Variants in SCN1A observed in about 807,000 individuals in gnomAD.
SCN1A encodes the protein sodium channel protein type 1 subunit alpha.
SCN1A carries 13 observed loss-of-function variants against 193.7 expected under a neutral mutation model. That is an observed-to-expected ratio of 0.07 (90% CI 0.04 to 0.11). SCN1A has a LOEUF of 0.11. Ranked by LOEUF, SCN1A falls within the 10% of genes least tolerant of loss-of-function variation. The pLI is 1.00. For missense variants in SCN1A, 1,432 were observed against 2,451.1 expected (o/e 0.58, Z 8.78); for synonymous variants, 781 against 843.6 (o/e 0.93, Z 1.29).
Position 166,148,818 on chromosome 2 carries a change from T to C in SCN1A, c.-50+229A>G, listed in dbSNP as rs116893540. Among the ~76,000 whole-genome samples the C allele has an allele frequency of 6.0e-4, 91 of 152,308 alleles. No homozygotes were observed. The East Asian group carries it at 0.017, about 29-fold the overall frequency. ...TCAGAGTTTAAATATCAAATCAACA[T>C]TCATTCCTTGATGGTTACAGATGAT... On this transcript the variant is annotated intron_variant, in intron 1 of 26. Transcript: ENST00000635750.
At chr2:166,131,880 C>A (rs1466301552), upstream of SCN1A, among the ~76,000 whole-genome samples, 1 of 152,120 alleles carries the variant, frequency 6.6e-6, no homozygotes, top group Non-Finnish European at 1.5e-5. Flanking sequence ...CCAAAAATTT[C>A]CCAAAGTGAT....
chr2:166,054,946 A>T (rs934872011), intron 6 of SCN1A, among the ~76,000 whole-genome samples, 180 bp from the exon 7 acceptor site: 1 of 152,026 alleles, frequency 6.6e-6, no homozygotes, highest in Non-Finnish European at 1.5e-5. Flanking sequence ...TAACACAAAG[A>T]GTTGTTTCGT....
At chr2:166,100,746 A>C (rs1687956085) in intron 2 of SCN1A, among the ~76,000 whole-genome samples, 1 of 129,220 alleles carries the variant, frequency 7.7e-6, no homozygotes, top group African/African-American at 2.9e-5. Context: ...CAGCCAAAAA[A>C]CACATGAAAA....
chr2:165,991,967 T>G lies in SCN1A; in HGVS notation c.5308A>C (p.Ile1770Leu). Reference sequence around the variant, plus strand: ...ACCACAACCAGGAAGGATATGATGATGTAACTGACAAAAAAGAAAATTCCA... The same window carrying G: ...ACCACAACCAGGAAGGATATGATGAGGTAACTGACAAAAAAGAAAATTCCA... ...SVGIFFFVSY[I>L]IISFLVVVNM... The change falls in exon 29 of 29, where the codon ATC becomes CTC. Residue 1770 changes from isoleucine to leucine, a missense_variant. Ile to Leu is a conservative substitution (Grantham distance 5, BLOSUM62 2). Transcript: ENST00000674923. 1 of 1,613,916 alleles carries G rather than the reference T, an allele frequency of 6.2e-7. No individual in the cohort carries two copies. Among genetic ancestry groups the G allele is most frequent in the Non-Finnish European group, 8.5e-7 (1 of 1,179,918 alleles).
At chr2:166,068,049 G>A (rs73969780) in intron 4 of SCN1A, among the ~76,000 whole-genome samples, 1,817 of 152,238 alleles carry the variant, frequency 0.012, 17 homozygotes, top group South Asian at 0.021. Context: ...AGCACCACTG[G>A]TGGCTATTTC....
At chr2:166,045,928 GT>G (rs568031962) in intron 12 of SCN1A, among the ~76,000 whole-genome samples, 7 of 152,292 alleles carry the variant, frequency 4.6e-5, no homozygotes, top group Non-Finnish European at 8.8e-5. Flanking sequence ...TCCAAAAACT[GT>G]CCCCACCATC....
chr2:166,136,424 A>ATG (rs1691860774), intron 1 of SCN1A, among the ~76,000 whole-genome samples: 1 of 48,262 alleles, frequency 2.1e-5, no homozygotes, highest in African/African-American at 1.7e-4. Context: ...ATATATATGC[A>ATG]TATATATATA....
chr2:166,027,795 TG>T (rs1695006571), intron 19 of SCN1A, among the ~76,000 whole-genome samples: 1 of 152,130 alleles, frequency 6.6e-6, no homozygotes, highest in African/African-American at 2.4e-5. Context: ...AATATTTCAT[TG>T]TGTACATTGT....
At chr2:166,090,683 C>A (rs73026832) in intron 2 of SCN1A, among the ~76,000 whole-genome samples, 5,147 of 152,196 alleles carry the variant, frequency 0.034, 279 homozygotes, top group African/African-American at 0.12. Context: ...AAACTTTAAA[C>A]CCCCTTTTCA....
chr2:166,061,806 G>C (rs1429242953), intron 4 of SCN1A, among the ~76,000 whole-genome samples: 1 of 152,082 alleles, frequency 6.6e-6, no homozygotes, highest in Non-Finnish European at 1.5e-5. Context: ...AAATCTAAAA[G>C]TCCTTTGACA....
chr2:166,032,294 C>G (rs1307657731), intron 19 of SCN1A, among the ~76,000 whole-genome samples: 1 of 78,392 alleles, frequency 1.3e-5, no homozygotes, highest in Non-Finnish European at 2.6e-5. Context: ...TATCTAGTCT[C>G]CCTGGCATAT....
upstream of SCN1A, among the ~76,000 whole-genome samples, chr2:166,130,519 T>C (rs1300452855): frequency 6.6e-6 from 1 of 152,226 alleles, no homozygotes; most frequent in African/African-American, 2.4e-5. Context: ...CGGCGGATAT[T>C]TTAAATGTCT....
chr2:166,060,328 C>T (rs867840398), intron 4 of SCN1A: 1 of 152,154 alleles, frequency 6.6e-6, no homozygotes, highest in Non-Finnish European at 1.5e-5. Context: ...ATACTTAGCC[C>T]TCTTTTTCTC....
rs1160239084 is a variant in SCN1A, at chr2:166,025,945, T to C, written c.3429+10103A>G. On this transcript the variant is annotated intron_variant, in intron 19 of 28. Coordinates refer to ENST00000674923, the MANE Select transcript of SCN1A (RefSeq NM_001165963.4). Reference sequence around the variant, plus strand: ...ATTTTGGTATTTTATTATGCTTTTATTCAATATTTGTTTAGGAGGCAATTT... The same window carrying C: ...ATTTTGGTATTTTATTATGCTTTTACTCAATATTTGTTTAGGAGGCAATTT... 3.3e-5 allele frequency among the ~76,000 whole-genome samples: 5 copies of C among 152,166 alleles called. No individual in the cohort carries two copies. In the East Asian group the frequency reaches 9.6e-4, roughly 29 times the overall value.
At chr2:166,123,454 A>G (rs531575415) in intron 2 of SCN1A, 4 of 152,188 alleles carry the variant, frequency 2.6e-5, no homozygotes, top group Non-Finnish European at 5.9e-5. Flanking sequence ...TTTTTCATCA[A>G]ATAGTACCTT....
At chr2:166,033,783 A>C (rs1256726308) in intron 19 of SCN1A, among the ~76,000 whole-genome samples, 1 of 152,144 alleles carries the variant, frequency 6.6e-6, no homozygotes, top group Non-Finnish European at 1.5e-5. Context: ...AATCATGTCA[A>C]ATTTTTACAG....
At chr2:166,014,628 T>A (rs1251620892) in intron 20 of SCN1A, among the ~76,000 whole-genome samples, 4 of 102,122 alleles carry the variant, frequency 3.9e-5, no homozygotes, top group Admixed American at 1.1e-4. Flanking sequence ...AAATACAGGA[T>A]CCCTGCTCCA....
Position 166,002,768 on chromosome 2 carries a change from GA to G in SCN1A, c.4003-16del. 4 of 1,585,484 alleles carry G rather than the reference GA, an allele frequency of 2.5e-6. No homozygotes were observed. The highest frequency in any genetic ancestry group is 1.4e-5 in the African/African-American group (1 of 72,992). On this transcript the variant is annotated splice_polypyrimidine_tract_variant and intron_variant, in intron 23 of 28. Coordinates refer to ENST00000674923, the MANE Select transcript of SCN1A (RefSeq NM_001165963.4). Reference sequence around the variant, plus strand: ...TTCACAACCACCTAATACACAAATGGAAAAAAAGAAAAGTCAGAATTCTTAT... The same window carrying G: ...TTCACAACCACCTAATACACAAATGGAAAAAAGAAAAGTCAGAATTCTTAT...
chr2:166,053,781 A>G (rs1245556067), intron 7 of SCN1A, among the ~76,000 whole-genome samples: 3 of 151,906 alleles, frequency 2.0e-5, no homozygotes, highest in Non-Finnish European at 2.9e-5. Flanking sequence ...TCAGCTCCTG[A>G]AGGAAGGATG....
Sources: gnomAD v4.1 joint callset for allele counts (sites outside exome capture counted in the v4.1 genomes callset) on GRCh38, gnomAD v4.1.1 for gene constraint, MANE v1.5 for transcripts, NCBI Gene and HGNC (gene_info 2026-07-23, HGNC 2026-07-21) for gene names.